Variants in IRAK1BP1 observed in about 807,000 individuals in gnomAD.
IRAK1BP1 encodes interleukin-1 receptor-associated kinase 1-binding protein 1.
IRAK1BP1 carries 24 observed loss-of-function variants against 28.0 expected under a neutral mutation model. The ratio of observed to expected loss-of-function variants is 0.86; its 90% confidence interval spans 0.62 to 1.20. IRAK1BP1 has a LOEUF of 1.20. Ranked by LOEUF, IRAK1BP1 falls within the 50% of genes most tolerant of loss-of-function variation. The pLI is 0.00. For missense variants in IRAK1BP1, 336 were observed against 316.7 expected, an observed-to-expected ratio of 1.06 and a Z score of -0.46; for synonymous variants, 131 against 116.3, an observed-to-expected ratio of 1.13 and a Z score of -0.81.
chr6:78,962,993 AC>A, the IRAK1BP1 span: 1 of 925,306 alleles, frequency 1.1e-6, no homozygotes, highest in Non-Finnish European at 1.6e-6. Flanking sequence ...GAAACCACTG[AC>A]TTAGGATATT....
chr6:78,867,825 G>C lies in IRAK1BP1; in HGVS notation c.249G>C (p.Glu83Asp). The C allele has an allele frequency of 6.2e-7, 1 of 1,612,422 alleles. No homozygotes were observed. The highest frequency in any genetic ancestry group is 8.5e-7 in the Non-Finnish European group (1 of 1,179,198). Residue 83 changes from glutamate to aspartate, a missense_variant, in exon 1 of 4, where the codon GAG becomes GAC. Transcript: ENST00000369940. ...RVSSTKEAAA[E>D]AKKSVCRRLD... The stretch of plus-strand genomic sequence containing the variant: ...GCAGCACCAAGGAGGCGGCAGCCGA[G>C]GCCAAAAAGAGCGTTTGTCGCCGTC...
At chr6:78,948,342 A>G (rs1024824726), downstream of IRAK1BP1, among the ~76,000 whole-genome samples, 1 of 152,164 alleles carries the variant, frequency 6.6e-6, no homozygotes, top group Admixed American at 6.5e-5. Context: ...TGAGATGTCT[A>G]CCTAGTCAAT....
the IRAK1BP1 span, chr6:78,963,046 T>A: frequency 6.7e-7 from 1 of 1,494,398 alleles, no homozygotes; most frequent in Non-Finnish European, 9.0e-7. Context: ...TATTTTTCCA[T>A]TACTTTGTGT....
At chr6:78,945,379 C>G in intron 4 of IRAK1BP1, 1 of 1,613,650 alleles carries the variant, frequency 6.2e-7, no homozygotes, top group Non-Finnish European at 8.5e-7. Context: ...GTTTGACTGG[C>G]TTTTCCTTTT....
chr6:78,868,823 TCA>T (rs1219991167), intron 1 of IRAK1BP1, among the ~76,000 whole-genome samples: 6 of 152,214 alleles, frequency 3.9e-5, no homozygotes, highest in African/African-American at 1.4e-4. Flanking sequence ...ATCAACGATT[TCA>T]GTTTTCTCAT....
At chr6:78,892,224 T>C (rs1181683475) in intron 2 of IRAK1BP1, among the ~76,000 whole-genome samples, 1 of 152,184 alleles carries the variant, frequency 6.6e-6, no homozygotes, top group Non-Finnish European at 1.5e-5. Context: ...TTTCTTTAGT[T>C]AGCCAGTTTC....
rs1302938762 is a variant in IRAK1BP1, at chr6:78,902,943, C to G, written c.*4609C>G. The G allele has an allele frequency of 1.1e-6, 1 of 949,970 alleles. No individual in the cohort carries two copies. Among genetic ancestry groups the G allele is most frequent in the African/African-American group, 1.6e-5 (1 of 61,090 alleles). The allele number at this position is 949,970 out of a possible 1,614,324, so 58.8% of individuals were successfully genotyped here. On this transcript the variant is annotated 3_prime_UTR_variant, in exon 4 of 4. Coordinates refer to ENST00000369940, the MANE Select transcript of IRAK1BP1 (RefSeq NM_001010844.4). ...GAAGGATTGTTTTCTACTATTAAAA[C>G]AATAAAACTCTTATAAACCTGTTTA...
the IRAK1BP1 span, among the ~76,000 whole-genome samples, chr6:78,966,520 C>T: frequency 6.6e-6 from 1 of 152,182 alleles, no homozygotes; most frequent in Non-Finnish European, 1.5e-5. Context: ...TAAAATCCAA[C>T]CTGTCTTCCT....
At position 78,901,759 on chromosome 6, in the gene IRAK1BP1, A is replaced by G. The variant is rs1056406513; in HGVS notation, c.*3425A>G. 2.6e-5 allele frequency: 4 copies of G among 152,286 alleles called. No individual in the cohort carries two copies. The highest frequency in any genetic ancestry group is 6.5e-5 in the Admixed American group (1 of 15,288). 9.4% of individuals were successfully genotyped at this position (152,286 alleles called of 1,614,324 possible). A position where few individuals can be genotyped will look rare whatever the true frequency, so the allele number is the denominator to read the frequency against. ...AAAAATTACATTTTTTATAGTGGCA[A>G]TGTACTTTTATCAGTATTCTTATTT... On this transcript the variant is annotated 3_prime_UTR_variant, in exon 4 of 4. Coordinates refer to ENST00000369940, the MANE Select transcript of IRAK1BP1 (RefSeq NM_001010844.4).
intron 4 of IRAK1BP1, among the ~76,000 whole-genome samples, chr6:78,909,962 A>G (rs1237026586): frequency 1.3e-5 from 2 of 152,194 alleles, no homozygotes; most frequent in East Asian, 3.8e-4. Context: ...ACAAAAATAC[A>G]GGAAAAGGGT....
chr6:78,897,517 T>TA (rs1305386369), intron 2 of IRAK1BP1, among the ~76,000 whole-genome samples: 1 of 152,148 alleles, frequency 6.6e-6, no homozygotes, highest in East Asian at 1.9e-4. Context: ...GGAATCATGC[T>TA]AGTTATCAGG....
chr6:78,960,216 T>C, the IRAK1BP1 span, among the ~76,000 whole-genome samples: 4 of 152,194 alleles, frequency 2.6e-5, no homozygotes, highest in Admixed American at 6.5e-5. Flanking sequence ...ACCTTATGTA[T>C]AGTATACTTT....
At chr6:78,942,252 G>C (rs924526322) in intron 4 of IRAK1BP1, among the ~76,000 whole-genome samples, 2 of 152,192 alleles carry the variant, frequency 1.3e-5, no homozygotes, top group Admixed American at 6.5e-5. Context: ...GGAGGCCAAA[G>C]TGGGCGGATC....
the IRAK1BP1 span, chr6:78,955,516 A>T: frequency 1.7e-6 from 1 of 572,402 alleles, no homozygotes; most frequent in East Asian, 3.1e-5. Context: ...CTAGACAAAA[A>T]ATAATGTTCA....
At chr6:78,965,770 A>G in the IRAK1BP1 span, 1 of 1,503,790 alleles carries the variant, frequency 6.6e-7, no homozygotes, top group Non-Finnish European at 9.2e-7. Context: ...CCCAGCTTAA[A>G]GAAAGAAAAA....
At chr6:78,908,093 C>T (rs894468399), downstream of IRAK1BP1, among the ~76,000 whole-genome samples, 3 of 151,480 alleles carry the variant, frequency 2.0e-5, no homozygotes, top group Non-Finnish European at 4.4e-5. Flanking sequence ...CTCTGTTGCT[C>T]AGGCTGGAGT....
At chr6:78,952,541 T>C in the IRAK1BP1 span, among the ~76,000 whole-genome samples, 25 of 151,996 alleles carry the variant, frequency 1.6e-4, no homozygotes, top group South Asian at 5.0e-3. Flanking sequence ...TTGTTAGACA[T>C]ATTTTGGACC....
intron 4 of IRAK1BP1, among the ~76,000 whole-genome samples, chr6:78,920,246 C>G (rs1358945056): frequency 6.6e-6 from 1 of 152,034 alleles, no homozygotes; most frequent in Non-Finnish European, 1.5e-5. Context: ...GAGCAAGACT[C>G]CATCTCAAAT....
At chr6:78,872,380 AGGCATT>A (rs928318251) in intron 1 of IRAK1BP1, among the ~76,000 whole-genome samples, 2 of 152,212 alleles carry the variant, frequency 1.3e-5, no homozygotes, top group African/African-American at 4.8e-5. Context: ...AATTGAACAT[AGGCATT>A]GGCTAAAGTT....
Sources: gnomAD v4.1 joint callset for allele counts (sites outside exome capture counted in the v4.1 genomes callset) on GRCh38, gnomAD v4.1.1 for gene constraint, MANE v1.5 for transcripts, NCBI Gene and HGNC (gene_info 2026-07-23, HGNC 2026-07-21) for gene names.